CFAP77: variants seen among roughly 807,000 people sequenced by gnomAD.
CFAP77 encodes cilia- and flagella-associated protein 77.
A neutral mutation model predicts 31.1 loss-of-function variants in CFAP77; 25 were observed. That is an observed-to-expected ratio of 0.80 (90% CI 0.59 to 1.12). The LOEUF (loss-of-function observed/expected upper bound fraction) is 1.12. Among genes scored for constraint, CFAP77 ranks in the 50% most tolerant of loss-of-function variants. The probability of loss-of-function intolerance (pLI) is 0.00; values close to 1 mark genes in which losing one functional copy is unlikely to be tolerated. For missense variants in CFAP77, 377 were observed against 397.3 expected (o/e 0.95, Z 0.44); for synonymous variants, 151 against 159.9 (o/e 0.94, Z 0.42).
intron 5 of CFAP77, among the ~76,000 whole-genome samples, chr9:132,548,680 G>C (rs932513147): frequency 6.7e-6 from 1 of 149,490 alleles, no homozygotes; most frequent in South Asian, 2.1e-4. Context: ...GTTGGCTGGC[G>C]GGGGGGTCTC....
intron 3 of CFAP77, among the ~76,000 whole-genome samples, chr9:132,521,778 T>TTTGTTTTTG (rs1554747341): frequency 1.9e-5 from 2 of 106,152 alleles, no homozygotes; most frequent in South Asian, 3.7e-4. Context: ...TTTTTTTTTT[T>TTTGTTTTTG]TTTTTTGAGA....
In CFAP77 at chr9:132,442,479, G is replaced by A. The variant is rs151283622; in HGVS notation, c.195+32013G>A. ...GAGGTGGGAGGATCGCTTGAGCCCC[G>A]GAGGCAGAGGGTGCAGTGAGCTGAG... On this transcript the variant is annotated intron_variant, in intron 1 of 5. Coordinates refer to ENST00000393216, the MANE Select transcript of CFAP77 (RefSeq NM_001282957.2). Among the ~76,000 whole-genome samples, 1,044 of 152,100 alleles carry A rather than the reference G, an allele frequency of 6.9e-3. 11 individuals carry two copies. Among genetic ancestry groups the A allele is most frequent in the African/African-American group, 0.024 (983 of 41,500 alleles).
intron 3 of CFAP77, among the ~76,000 whole-genome samples, chr9:132,534,572 C>T (rs1473929478): frequency 1.4e-5 from 2 of 143,944 alleles, no homozygotes; most frequent in Non-Finnish European, 1.5e-5. Flanking sequence ...AGATCTGCCA[C>T]TGCACTCCAG....
chr9:132,537,775 C>A, intron 4 of CFAP77, 69 bp downstream of exon 4: 1 of 1,197,826 alleles, frequency 8.3e-7, no homozygotes, highest in Non-Finnish European at 1.2e-6. Flanking sequence ...TGGCCAGGGC[C>A]AAGCATCGAG....
intron 1 of CFAP77, among the ~76,000 whole-genome samples, chr9:132,459,821 G>A (rs1851016352): frequency 6.7e-6 from 1 of 150,152 alleles, no homozygotes; most frequent in Non-Finnish European, 1.5e-5. Flanking sequence ...GTGTGTGTAT[G>A]AGTGTGCGTA....
intron 1 of CFAP77, among the ~76,000 whole-genome samples, chr9:132,461,808 CT>C (rs1564212712): frequency 6.6e-6 from 1 of 152,208 alleles, no homozygotes; most frequent in Non-Finnish European, 1.5e-5. Flanking sequence ...CAGCCAAGGC[CT>C]TTGTTGTGCC....
chr9:132,552,797 C>A lies in CFAP77; in HGVS notation c.732+9750C>A, dbSNP rs760850385. On this transcript the variant is annotated intron_variant, in intron 5 of 5. Coordinates refer to ENST00000393216, the MANE Select transcript of CFAP77 (RefSeq NM_001282957.2). The surrounding 1 kb of genome is among the most constrained non-coding windows in gnomAD (Gnocchi z 5.5). ...TGTATTTTCAGCAAGCCAGCTGCCC[C>A]AGCTCTCAGGGTCAGTGTCAACTCC... Among the ~76,000 whole-genome samples the A allele has an allele frequency of 7.9e-5, 12 of 152,120 alleles. No individual in the cohort carries two copies. Among genetic ancestry groups the A allele is most frequent in the Non-Finnish European group, 1.8e-4 (12 of 68,012 alleles).
chr9:132,429,196 T>C (rs890077625), intron 1 of CFAP77, among the ~76,000 whole-genome samples: 5 of 151,574 alleles, frequency 3.3e-5, no homozygotes, highest in African/African-American at 1.2e-4. Flanking sequence ...GATAAACTAG[T>C]GGTTTTTCTT....
At chr9:132,524,444 A>AT (rs1356941066) in intron 3 of CFAP77, among the ~76,000 whole-genome samples, 1 of 151,712 alleles carries the variant, frequency 6.6e-6, no homozygotes, top group East Asian at 2.0e-4. Context: ...TACTAAAAAA[A>AT]AAATACATAA....
At chr9:132,426,851 A>G (rs1246845197) in intron 1 of CFAP77, among the ~76,000 whole-genome samples, 2 of 152,222 alleles carry the variant, frequency 1.3e-5, no homozygotes, top group Non-Finnish European at 2.9e-5. Flanking sequence ...AGGCATCGCT[A>G]CATTGTCGAG....
At chr9:132,507,478 G>A (rs548903894) in intron 3 of CFAP77, among the ~76,000 whole-genome samples, 3 of 152,292 alleles carry the variant, frequency 2.0e-5, no homozygotes, top group African/African-American at 7.2e-5. Flanking sequence ...GTCTGCAGCC[G>A]CTGCTGGTCC....
chr9:132,427,293 C>G (rs1850333933), intron 1 of CFAP77, among the ~76,000 whole-genome samples: 1 of 152,152 alleles, frequency 6.6e-6, no homozygotes, highest in Admixed American at 6.5e-5. Context: ...CACCAACGCT[C>G]TGTTTTTTCA....
chr9:132,529,622 C>T (rs542154223), intron 3 of CFAP77, among the ~76,000 whole-genome samples: 4 of 151,518 alleles, frequency 2.6e-5, no homozygotes, highest in African/African-American at 4.8e-5. Context: ...GTCAGGAGAT[C>T]GAGACCATCC....
intron 1 of CFAP77, among the ~76,000 whole-genome samples, chr9:132,438,538 TATA>T (rs1389026703): frequency 0.015 from 1,630 of 107,240 alleles, 47 homozygotes; most frequent in African/African-American, 0.063. Flanking sequence ...TATATATATA[TATA>T]TTTTTTTTTT....
At chr9:132,509,241 G>A (rs1450100231) in intron 3 of CFAP77, among the ~76,000 whole-genome samples, 1 of 152,210 alleles carries the variant, frequency 6.6e-6, no homozygotes, top group Non-Finnish European at 1.5e-5. Flanking sequence ...GGTCACAGGT[G>A]GCGAATGGAG....
At chr9:132,445,210 G>A (rs1850688687) in intron 1 of CFAP77, among the ~76,000 whole-genome samples, 1 of 152,070 alleles carries the variant, frequency 6.6e-6, no homozygotes, top group African/African-American at 2.4e-5. Flanking sequence ...CCAACCTCAG[G>A]TGATCTGCCC....
At chr9:132,530,882 T>C (rs1852432880) in intron 3 of CFAP77, among the ~76,000 whole-genome samples, 1 of 152,212 alleles carries the variant, frequency 6.6e-6, no homozygotes, top group Admixed American at 6.5e-5. Context: ...TATGTTTTCT[T>C]CTAGAAGTTG....
chr9:132,515,579 C>T (rs981186896), intron 3 of CFAP77, among the ~76,000 whole-genome samples: 2 of 152,156 alleles, frequency 1.3e-5, no homozygotes, highest in African/African-American at 4.8e-5. Flanking sequence ...CCTTCTCGGC[C>T]TGATGGGCGG....
In CFAP77 at chr9:132,545,468, A is replaced by ATAAAACTCAT. The variant is rs2119071463; in HGVS notation, c.732+2421_732+2422insTAAAACTCAT. On this transcript the variant is annotated intron_variant, in intron 5 of 5. Transcript: ENST00000393216. This position sits in a 1 kb window ranked among gnomAD's most constrained non-coding sequence, Gnocchi z 4.6. ...GAAAGAAAATCAACATGCAAGCCACAGCATATACTGAGTGTTCGCCTCCTT... is the reference window on the plus strand; with the variant it reads ...GAAAGAAAATCAACATGCAAGCCACATAAAACTCATGCATATACTGAGTGTTCGCCTCCTT... 6.6e-6 allele frequency among the ~76,000 whole-genome samples: 1 copy of ATAAAACTCAT among 152,342 alleles called. No individual in the cohort carries two copies. The highest frequency in any genetic ancestry group is 1.5e-5 in the Non-Finnish European group (1 of 68,030).
Sources: allele counts gnomAD v4.1 joint callset (sites outside exome capture counted in the v4.1 genomes callset), GRCh38; gene constraint gnomAD v4.1.1; non-coding constraint Gnocchi (gnomAD v3.1); transcripts MANE v1.5; gene names NCBI Gene and HGNC (gene_info 2026-07-23, HGNC 2026-07-21).